The following ADNP2 variants were observed in gnomAD, a reference collection of about 807,000 sequenced individuals.
ADNP2 encodes the protein activity-dependent neuroprotector homeobox protein 2.
ADNP2 carries 8 observed loss-of-function variants against 16.4 expected under a neutral mutation model. The observed-to-expected ratio is 0.49, with a 90% CI of 0.29 to 0.88. The LOEUF is 0.88. ADNP2 is among the 40% of genes least tolerant of loss of function. ADNP2 has a pLI of 0.09. For synonymous variants in ADNP2, 637 were observed against 545.8 expected (o/e 1.17, Z -2.33); for missense variants, 1,397 against 1,395.1 (o/e 1.00, Z -0.02).
intron 2 of ADNP2, among the ~76,000 whole-genome samples, chr18:80,125,236 T>G (rs770195543): frequency 1.3e-5 from 2 of 152,182 alleles, no homozygotes; most frequent in African/African-American, 2.4e-5. Context: ...AAATACAGTT[T>G]ATTGGCGCCA....
chr18:80,121,923 G>GTT (rs909281277), intron 2 of ADNP2, among the ~76,000 whole-genome samples: 11 of 146,418 alleles, frequency 7.5e-5, no homozygotes, highest in African/African-American at 2.8e-4. Context: ...TCCTATACTG[G>GTT]TTTTTTTTTT....
intron 2 of ADNP2, among the ~76,000 whole-genome samples, chr18:80,129,095 C>CTTTTTT (rs1424348931): frequency 1.4e-4 from 18 of 132,194 alleles, no homozygotes; most frequent in Non-Finnish European, 1.3e-4. Context: ...TTACCCAGAA[C>CTTTTTT]TTTTTTTTTG....
chr18:80,129,158 C>T (rs1422899559), intron 2 of ADNP2, among the ~76,000 whole-genome samples: 2 of 142,566 alleles, frequency 1.4e-5, no homozygotes, highest in African/African-American at 2.7e-5. Context: ...GGCTGCAGTG[C>T]AGTGGTGAGA....
chr18:80,125,820 T>G (rs941668543), intron 2 of ADNP2, among the ~76,000 whole-genome samples: 30 of 152,024 alleles, frequency 2.0e-4, no homozygotes, highest in African/African-American at 7.2e-4. Context: ...CAAAAAAAAT[T>G]TTTTTAATTA....
rs1402510060 is a variant in ADNP2 at position 80,136,320 on chromosome 18, C to T, written c.907C>T (p.Pro303Ser). 3.7e-6 allele frequency: 6 copies of T among 1,613,994 alleles called. No homozygotes were observed. Among genetic ancestry groups the T allele is most frequent in the Admixed American group, 1.7e-5 (1 of 60,014 alleles). ...HLALPQNSPS[P>S]AAGQPVTVAQ... ...TGCTTTGCCACAGAACAGTCCAAGC[C>T]CAGCCGCAGGACAGCCAGTGACTGT... Residue 303 changes from proline to serine, a missense_variant, in exon 4 of 4, where the codon CCA (proline) becomes TCA (serine). By Grantham distance (74) the Pro-to-Ser change is moderately conservative. This residue lies in a region of ADNP2 where 777 missense variants were observed against 719.4 expected (regional missense o/e 1.08). Coordinates refer to ENST00000262198, the MANE Select transcript of ADNP2 (RefSeq NM_014913.4).
In ADNP2 at chr18:80,136,649, A is replaced by T. The variant is rs1300784015; in HGVS notation, c.1236A>T (p.Arg412Ser). Reference protein sequence around the residue: ...PLTQPVGPINRPVGPGVLPVS... With the variant: ...PLTQPVGPINSPVGPGVLPVS... ...CCCAGCCTGTGGGACCCATAAACAGACCTGTTGGGCCTGGTGTTCTTCCTG... is the reference window on the plus strand; with the variant it reads ...CCCAGCCTGTGGGACCCATAAACAGTCCTGTTGGGCCTGGTGTTCTTCCTG... Residue 412 changes from arginine to serine, a missense_variant, in exon 4 of 4, where the codon AGA becomes AGT. Coordinates refer to ENST00000262198, the MANE Select transcript of ADNP2 (RefSeq NM_014913.4). 1.2e-6 allele frequency: 2 copies of T among 1,613,408 alleles called. No individual in the cohort carries two copies. The highest frequency in any genetic ancestry group is 2.7e-5 in the African/African-American group (2 of 74,768).
intron 2 of ADNP2, among the ~76,000 whole-genome samples, chr18:80,126,854 T>G (rs1449050288): frequency 1.3e-5 from 2 of 152,204 alleles, no homozygotes; most frequent in Non-Finnish European, 2.9e-5. Flanking sequence ...ATCCTCAGTT[T>G]TGCTCTCCAC....
Position 80,136,804 on chromosome 18 carries a change from G to T in ADNP2, c.1391G>T (p.Gly464Val), listed in dbSNP as rs148137399. 2.5e-6 allele frequency: 4 copies of T among 1,613,824 alleles called. No homozygotes were observed. Among genetic ancestry groups the T allele is most frequent in the Non-Finnish European group, 3.4e-6 (4 of 1,179,930 alleles). The change falls in exon 4 of 4, where the codon GGG becomes GTG. Residue 464 changes from glycine (G) to valine (V), a missense_variant. This residue lies in a region of ADNP2 where 777 missense variants were observed against 719.4 expected (regional missense o/e 1.08). Coordinates refer to ENST00000262198, the MANE Select transcript of ADNP2 (RefSeq NM_014913.4). ...CCTGCAGGCCAGATGACTCCTGCAG[G>T]GGTTATCCCTGGGCAAACAGCAACT... Reference protein sequence around the residue: ...MTPAGQMTPAGVIPGQTATSG... With the variant: ...MTPAGQMTPAVVIPGQTATSG...
intron 2 of ADNP2, among the ~76,000 whole-genome samples, chr18:80,131,689 G>T (rs1396959945): frequency 2.6e-5 from 4 of 151,474 alleles, no homozygotes; most frequent in South Asian, 2.1e-4. Context: ...ATGAGTTCAT[G>T]TCCTTTGCAG....
At chr18:80,131,370 A>C (rs2052495161) in intron 2 of ADNP2, among the ~76,000 whole-genome samples, 1 of 152,140 alleles carries the variant, frequency 6.6e-6, no homozygotes, top group Non-Finnish European at 1.5e-5. Context: ...CACTCTAGCA[A>C]GTGTAACTTT....
At position 80,119,204 on chromosome 18, in the gene ADNP2, G is replaced by A. The variant is rs1041771710; in HGVS notation, c.108+1554G>A. 8.5e-5 allele frequency among the ~76,000 whole-genome samples: 13 copies of A among 152,128 alleles called. No homozygotes were observed. The East Asian group carries it at 1.2e-3, about 14-fold the overall frequency. ...GAGAACCTTTTTCCATGTGAAGTGCGTTTATTCTTAATCCACCACAGCAAT... is the reference window on the plus strand; with the variant it reads ...GAGAACCTTTTTCCATGTGAAGTGCATTTATTCTTAATCCACCACAGCAAT... On this transcript the variant is annotated intron_variant, in intron 2 of 3. Coordinates refer to ENST00000262198, the MANE Select transcript of ADNP2 (RefSeq NM_014913.4).
In ADNP2 at chr18:80,135,953, C is replaced by A; in HGVS notation, c.540C>A (p.His180Gln). Reference protein sequence around the residue: ...MKKHVLVAHFHYLINSYFGLR... With the variant: ...MKKHVLVAHFQYLINSYFGLR... ...AGCATGTGCTGGTAGCCCATTTTCA[C>A]TACTTAATTAACTCCTACTTTGGCC... Residue 180 changes from histidine (H) to glutamine (Q), a missense_variant, in exon 4 of 4, where the codon CAC (histidine) becomes CAA (glutamine). His to Gln is a conservative substitution (Grantham distance 24). Coordinates refer to ENST00000262198, the MANE Select transcript of ADNP2 (RefSeq NM_014913.4). 1 of 1,614,210 alleles carries A rather than the reference C, an allele frequency of 6.2e-7. No individual in the cohort carries two copies. Among genetic ancestry groups the A allele is most frequent in the Non-Finnish European group, 8.5e-7 (1 of 1,180,044 alleles).
chr18:80,136,486 C>G lies in ADNP2; in HGVS notation c.1073C>G (p.Ser358Cys). The G allele has an allele frequency of 6.2e-7, 1 of 1,614,204 alleles. No homozygotes were observed. Among genetic ancestry groups the G allele is most frequent in the Non-Finnish European group, 8.5e-7 (1 of 1,180,042 alleles). ...QPPAPQPVFL[S>C]HGVPLHQSVN... The stretch of plus-strand genomic sequence containing the variant: ...CCAGCACCTCAGCCCGTCTTTCTTT[C>G]TCACGGGGTTCCACTTCATCAGTCT... The change falls in exon 4 of 4, where the codon TCT (serine) becomes TGT (cysteine). Residue 358 changes from serine (S) to cysteine (C), a missense_variant. Ser to Cys is a moderately radical substitution (Grantham distance 112). Coordinates refer to ENST00000262198, the MANE Select transcript of ADNP2 (RefSeq NM_014913.4).
chr18:80,130,001 C>T (rs939709359), intron 2 of ADNP2, among the ~76,000 whole-genome samples: 2 of 152,188 alleles, frequency 1.3e-5, no homozygotes, highest in Non-Finnish European at 2.9e-5. Flanking sequence ...TTCCTTTGAG[C>T]TGTGACTTTT....
intron 2 of ADNP2, among the ~76,000 whole-genome samples, chr18:80,131,661 A>G (rs1386747982): frequency 4.6e-5 from 7 of 151,502 alleles, no homozygotes; most frequent in African/African-American, 1.5e-4. Flanking sequence ...TACCAATACT[A>G]TGCAGCCATA....
chr18:80,111,603 G>C (rs1453206870), intron 1 of ADNP2, among the ~76,000 whole-genome samples: 1 of 135,404 alleles, frequency 7.4e-6, no homozygotes, highest in Non-Finnish European at 1.6e-5. Flanking sequence ...GTTTTGCCCT[G>C]TCGCCCAGGC....
intron 2 of ADNP2, among the ~76,000 whole-genome samples, chr18:80,131,291 C>T (rs998975991): frequency 6.6e-6 from 1 of 152,152 alleles, no homozygotes; most frequent in East Asian, 1.9e-4. Context: ...ACACTACTGC[C>T]TCTTTCAGCT....
At chr18:80,131,802 G>T (rs774672177) in intron 2 of ADNP2, among the ~76,000 whole-genome samples, 4 of 138,544 alleles carry the variant, frequency 2.9e-5, no homozygotes, top group Non-Finnish European at 4.6e-5. Flanking sequence ...TGAACAGTGA[G>T]AACACTTGGA....
chr18:80,114,139 G>T (rs1350458616), intron 1 of ADNP2, among the ~76,000 whole-genome samples: 3 of 150,892 alleles, frequency 2.0e-5, no homozygotes, highest in South Asian at 2.1e-4. Flanking sequence ...GCTGCAGTGA[G>T]CTGTAATCAA....
Sources: allele counts gnomAD v4.1 joint callset (sites outside exome capture counted in the v4.1 genomes callset), GRCh38; gene constraint gnomAD v4.1.1; regional missense constraint gnomAD v4.1.1; transcripts MANE v1.5; gene names NCBI Gene and HGNC (gene_info 2026-07-23, HGNC 2026-07-21).